WDPCP: variants seen among roughly 807,000 people sequenced by gnomAD.
WDPCP encodes the protein WD repeat containing planar cell polarity effector, also known as WD repeat-containing and planar cell polarity effector protein fritz homolog.
In WDPCP, 71 loss-of-function variants were observed where a neutral mutation model predicts 93.1. The observed-to-expected ratio is 0.76, with a 90% CI of 0.63 to 0.93. WDPCP has a LOEUF of 0.93. Among genes scored for constraint, WDPCP ranks in the 40% least tolerant of loss-of-function variants. The pLI, the probability that WDPCP is intolerant of heterozygous loss-of-function variation, is 0.00. For missense variants in WDPCP, 844 were observed against 887.4 expected (o/e 0.95, Z 0.62); for synonymous variants, 315 against 315.0 (o/e 1.00, Z 0.00).
At chr2:63,343,741 A>G (rs571803254) in intron 12 of WDPCP, among the ~76,000 whole-genome samples, 59 of 152,230 alleles carry the variant, frequency 3.9e-4, no homozygotes, top group Non-Finnish European at 2.2e-4. Context: ...GATCATTTCA[A>G]TTGTCCTATT....
chr2:63,593,437 G>T, upstream of WDPCP: 1 of 390,478 alleles, frequency 2.6e-6, no homozygotes, highest in Non-Finnish European at 5.2e-6. Context: ...TGACTTCTAT[G>T]AGTGAGTACC....
chr2:63,384,741 T>TAA (rs986177987), intron 10 of WDPCP, among the ~76,000 whole-genome samples: 3 of 143,720 alleles, frequency 2.1e-5, no homozygotes, highest in African/African-American at 7.6e-5. Context: ...TAGTAATACG[T>TAA]AAAAAAAAAA....
intron 2 of WDPCP, among the ~76,000 whole-genome samples, chr2:63,488,631 A>C (rs1394878435): frequency 6.6e-6 from 1 of 151,992 alleles, no homozygotes. Flanking sequence ...ATGGTTCACA[A>C]CATAATCTTA....
At chr2:63,357,473 A>T (rs1329640005) in intron 12 of WDPCP, among the ~76,000 whole-genome samples, 2 of 152,238 alleles carry the variant, frequency 1.3e-5, no homozygotes, top group Non-Finnish European at 2.9e-5. Flanking sequence ...ACACTCCTCA[A>T]AAGAAGACAT....
chr2:63,698,921 G>C (rs1176109656), intron 2 of WDPCP, among the ~76,000 whole-genome samples: 1 of 152,150 alleles, frequency 6.6e-6, no homozygotes, highest in East Asian at 1.9e-4. Context: ...TATCTCCCTG[G>C]AAAATGACCC....
At position 63,575,498 on chromosome 2, in the gene WDPCP, A is replaced by AGTGTATGCACTGTATATACT. The variant is rs1558833306; in HGVS notation, c.75+12698_75+12699insAGTATATACAGTGCATACAC. 2.3e-5 allele frequency among the ~76,000 whole-genome samples: 2 copies of AGTGTATGCACTGTATATACT among 88,404 alleles called. 1 individual carries two copies. Among genetic ancestry groups the AGTGTATGCACTGTATATACT allele is most frequent in the Non-Finnish European group, 5.3e-5 (2 of 37,912 alleles). 58.0% of individuals were successfully genotyped at this position (88,404 alleles called of 152,430 possible). ...TATACAGTGTATATATAGTATATAC[A>AGTGTATGCACTGTATATACT]GTATATACACTGTATATATAGTATA... On this transcript the variant is annotated intron_variant, in intron 1 of 17. Transcript: ENST00000272321.
At chr2:63,695,511 G>A (rs1039818207) in intron 2 of WDPCP, among the ~76,000 whole-genome samples, 24 of 152,120 alleles carry the variant, frequency 1.6e-4, no homozygotes, top group African/African-American at 5.8e-4. Context: ...TTGTTTACCT[G>A]AAATTCAAAT....
chr2:63,812,031 ATTGTATTTTT>A (rs937072920), intron 2 of WDPCP, among the ~76,000 whole-genome samples: 21 of 151,754 alleles, frequency 1.4e-4, no homozygotes, highest in African/African-American at 5.1e-4. Context: ...TGCCCAGCTA[ATTGTATTTTT>A]TTTTGTAGAG....
intron 2 of WDPCP, among the ~76,000 whole-genome samples, chr2:63,730,431 C>T (rs1414607079): frequency 6.6e-6 from 1 of 152,154 alleles, no homozygotes; most frequent in East Asian, 1.9e-4. Context: ...CAAGTAATTT[C>T]TTAATGACTG....
intron 2 of WDPCP, chr2:63,717,096 C>T (rs1358384461): frequency 1.4e-5 from 4 of 292,544 alleles, no homozygotes; most frequent in Non-Finnish European, 1.3e-5. Flanking sequence ...CTCCTTCTGT[C>T]TCCACTATAT....
intron 6 of WDPCP, among the ~76,000 whole-genome samples, chr2:63,459,955 T>C (rs1234155276): frequency 6.6e-6 from 1 of 151,998 alleles, no homozygotes; most frequent in African/African-American, 2.4e-5. Context: ...AGATCTACCA[T>C]ACAATCCAGA....
At chr2:63,677,374 A>T (rs1366881557) in intron 2 of WDPCP, among the ~76,000 whole-genome samples, 1 of 152,216 alleles carries the variant, frequency 6.6e-6, no homozygotes, top group Non-Finnish European at 1.5e-5. Context: ...ATAGACACAG[A>T]TCCACAGAAG....
intron 9 of WDPCP, among the ~76,000 whole-genome samples, chr2:63,416,894 G>C (rs901390102): frequency 3.7e-4 from 57 of 152,166 alleles, no homozygotes; most frequent in Non-Finnish European, 1.0e-4. Flanking sequence ...ACCTGACCCT[G>C]TATAACAGCC....
chr2:63,369,480 G>T (rs1691205512), intron 12 of WDPCP: 1 of 456,488 alleles, frequency 2.2e-6, no homozygotes, highest in Admixed American at 2.4e-5. Context: ...TACCAGAGAA[G>T]ACAGCGAGGA....
At chr2:63,704,857 A>T (rs1669122603) in intron 2 of WDPCP, among the ~76,000 whole-genome samples, 1 of 152,190 alleles carries the variant, frequency 6.6e-6, no homozygotes, top group Non-Finnish European at 1.5e-5. Context: ...TGATTGGGAT[A>T]GTTTCAGAAG....
At chr2:63,523,299 A>G (rs1023954269) in intron 1 of WDPCP, among the ~76,000 whole-genome samples, 2 of 152,208 alleles carry the variant, frequency 1.3e-5, no homozygotes, top group African/African-American at 2.4e-5. Flanking sequence ...CATCAAAAGA[A>G]TGTACCTCAC....
intron 1 of WDPCP, among the ~76,000 whole-genome samples, chr2:63,580,934 G>A (rs1276904188): frequency 6.6e-6 from 1 of 152,200 alleles, no homozygotes; most frequent in Admixed American, 6.5e-5. Flanking sequence ...CAAGGGGATA[G>A]TGTGGTGGGA....
intron 1 of WDPCP, among the ~76,000 whole-genome samples, chr2:63,560,408 G>A (rs1422986175): frequency 6.6e-6 from 1 of 152,086 alleles, no homozygotes; most frequent in Non-Finnish European, 1.5e-5. Flanking sequence ...ATAGATCAAT[G>A]CAACAGAATA....
intron 12 of WDPCP, among the ~76,000 whole-genome samples, chr2:63,336,783 A>G (rs1350148943): frequency 6.6e-6 from 1 of 151,484 alleles, no homozygotes; most frequent in Non-Finnish European, 1.5e-5. Flanking sequence ...TTACGTGTAC[A>G]GTTCAGTGCT....
Sources: gnomAD v4.1 joint callset for allele counts (sites outside exome capture counted in the v4.1 genomes callset) on GRCh38, gnomAD v4.1.1 for gene constraint, MANE v1.5 for transcripts, NCBI Gene and HGNC (gene_info 2026-07-23, HGNC 2026-07-21) for gene names.